Variants in KPNA4 observed in about 807,000 individuals in gnomAD.
The protein encoded by KPNA4 is importin subunit alpha-3.
KPNA4 carries 13 observed loss-of-function variants against 71.3 expected under a neutral mutation model. The ratio of observed to expected loss-of-function variants is 0.18; its 90% CI spans 0.12 to 0.29. The LOEUF (loss-of-function observed/expected upper bound fraction) is 0.29. Among genes scored for constraint, KPNA4 ranks in the 10% least tolerant of loss-of-function variants. KPNA4 has a pLI of 1.00. For missense variants in KPNA4, 334 were observed against 603.2 expected (o/e 0.55, Z 4.67); for synonymous variants, 189 against 195.2 (o/e 0.97, Z 0.26).
chr3:160,519,647 T>C (rs1420429162), intron 11 of KPNA4, among the ~76,000 whole-genome samples: 1 of 148,954 alleles, frequency 6.7e-6, no homozygotes, highest in East Asian at 2.0e-4. Flanking sequence ...TACAAAAAAT[T>C]AGCCGGGCGC....
intron 1 of KPNA4, among the ~76,000 whole-genome samples, chr3:160,538,228 TAA>T (rs891388457): frequency 3.2e-4 from 48 of 151,372 alleles, no homozygotes; most frequent in African/African-American, 1.1e-3. Flanking sequence ...TACATAAATG[TAA>T]AAAAAAGAGC....
chr3:160,507,131 G>A (rs1345123619), intron 15 of KPNA4, among the ~76,000 whole-genome samples: 2 of 152,080 alleles, frequency 1.3e-5, no homozygotes, highest in Non-Finnish European at 2.9e-5. Flanking sequence ...ATTCCAGGAG[G>A]CTCTGGTACA....
chr3:160,564,840 C>T (rs1211333286), intron 1 of KPNA4, among the ~76,000 whole-genome samples: 3 of 151,264 alleles, frequency 2.0e-5, no homozygotes, highest in Non-Finnish European at 4.4e-5. Flanking sequence ...GCCGGAATCT[C>T]CGCCACTGCC....
chr3:160,495,952 A>AG lies in KPNA4; in HGVS notation c.*6151dup, dbSNP rs1720752441. The AG allele has an allele frequency of 7.4e-6, 1 of 134,346 alleles. No homozygotes were observed. The highest frequency in any genetic ancestry group is 1.5e-5 in the Non-Finnish European group (1 of 64,662). 8.3% of individuals were successfully genotyped at this position (134,346 alleles called of 1,614,324 possible). A position where few individuals can be genotyped will look rare whatever the true frequency, so the allele number is the denominator to read the frequency against. ...TTTTTTTAAGGTAAATACCCTCTTT[A>AG]GCTGAGTCCAAGACTTTGGATATTA... On this transcript the variant is annotated 3_prime_UTR_variant, in exon 17 of 17. Transcript: ENST00000334256.
Position 160,514,963 on chromosome 3 carries a change from G to C in KPNA4, c.1032+489C>G. The C allele has an allele frequency of 9.6e-6, 5 of 519,136 alleles. 1 individual carries two copies. The highest frequency in any genetic ancestry group is 7.0e-5 in the South Asian group (5 of 71,578). 32.2% of individuals were successfully genotyped at this position (519,136 alleles called of 1,614,324 possible). ...CCTGTTAGAGATTTTAGGGTGCCAG[G>C]CTAGTTAGGTGAGCTGTTCTTGGGT... On this transcript the variant is annotated intron_variant, in intron 12 of 16. Transcript: ENST00000334256.
At chr3:160,525,307 T>C (rs1224090619) in intron 10 of KPNA4, among the ~76,000 whole-genome samples, 1 of 152,210 alleles carries the variant, frequency 6.6e-6, no homozygotes, top group Admixed American at 6.5e-5. Context: ...ATGTCCATGG[T>C]TTGGTATGTG....
Position 160,525,740 on chromosome 3 carries a change from G to A in KPNA4, c.771+60C>T. On this transcript the variant is annotated intron_variant, in intron 10 of 16. Coordinates refer to ENST00000334256, the MANE Select transcript of KPNA4 (RefSeq NM_002268.5). Reference sequence around the variant, plus strand: ...ATAATATTTCTCCCCTATGTCACAGGGGAAGCCCTAGAAATACATACATAC... The same window carrying A: ...ATAATATTTCTCCCCTATGTCACAGAGGAAGCCCTAGAAATACATACATAC... The A allele has an allele frequency of 4.5e-6, 5 of 1,112,876 alleles. No homozygotes were observed. The South Asian group carries it at 1.1e-4, about 25-fold the overall frequency. The allele number at this position is 1,112,876 out of a possible 1,614,324, so 68.9% of individuals were successfully genotyped here. A position where few individuals can be genotyped will look rare whatever the true frequency, so the allele number is the denominator to read the frequency against.
At chr3:160,543,374 T>C (rs1721845266) in intron 1 of KPNA4, among the ~76,000 whole-genome samples, 1 of 151,986 alleles carries the variant, frequency 6.6e-6, no homozygotes, top group African/African-American at 2.4e-5. Context: ...AGAATCTCAC[T>C]CTGTCACCCA....
At chr3:160,550,053 G>GT (rs1560055260) in intron 1 of KPNA4, among the ~76,000 whole-genome samples, 1 of 152,002 alleles carries the variant, frequency 6.6e-6, no homozygotes, top group African/African-American at 2.4e-5. Context: ...AGAAACAGCT[G>GT]TTTTTTTGTA....
At chr3:160,536,727 C>A in intron 2 of KPNA4, 69 bp downstream of exon 2, 1 of 766,350 alleles carries the variant, frequency 1.3e-6, no homozygotes, top group Non-Finnish European at 2.0e-6. Flanking sequence ...ATATATTTGG[C>A]ATCTTGTATA....
At chr3:160,559,402 T>C (rs1393128139) in intron 1 of KPNA4, among the ~76,000 whole-genome samples, 1 of 152,204 alleles carries the variant, frequency 6.6e-6, no homozygotes, top group African/African-American at 2.4e-5. Context: ...TTAACAATCA[T>C]GAATTTTTTA....
At chr3:160,521,060 TTTA>T (rs1721339102) in intron 11 of KPNA4, among the ~76,000 whole-genome samples, 1 of 152,124 alleles carries the variant, frequency 6.6e-6, no homozygotes, top group Non-Finnish European at 1.5e-5. Context: ...AAAGCAACAA[TTTA>T]GAAAGTCCCT....
intron 15 of KPNA4, 52 bp downstream of exon 15, chr3:160,508,055 T>C (rs1402727965): frequency 5.1e-6 from 7 of 1,370,224 alleles, no homozygotes; most frequent in Non-Finnish European, 5.0e-6. Flanking sequence ...CAAATAAAGG[T>C]AGTTACAAAG....
chr3:160,561,893 A>G (rs1452938729), intron 1 of KPNA4, among the ~76,000 whole-genome samples: 3 of 152,104 alleles, frequency 2.0e-5, no homozygotes, highest in Non-Finnish European at 4.4e-5. Flanking sequence ...GAGAATTGCC[A>G]GGCATCTTCC....
At chr3:160,538,330 A>G (rs1243241241) in intron 1 of KPNA4, among the ~76,000 whole-genome samples, 2 of 152,110 alleles carry the variant, frequency 1.3e-5, no homozygotes, top group Non-Finnish European at 2.9e-5. Flanking sequence ...TATAACTTCA[A>G]AGTAATGACG....
At chr3:160,555,905 C>T (rs1359845509) in intron 1 of KPNA4, among the ~76,000 whole-genome samples, 4 of 152,162 alleles carry the variant, frequency 2.6e-5, no homozygotes, top group African/African-American at 9.7e-5. Context: ...GATCTCAGCT[C>T]ACTGCAACCT....
chr3:160,538,404 A>G (rs1437443753), intron 1 of KPNA4, among the ~76,000 whole-genome samples: 3 of 152,100 alleles, frequency 2.0e-5, no homozygotes, highest in Non-Finnish European at 4.4e-5. Context: ...TTCTAATATT[A>G]CTATGGTTAA....
rs1720855493 is a variant in KPNA4 at position 160,500,506 on chromosome 3, T to G, written c.*1598A>C. 6.6e-6 allele frequency: 1 copy of G among 152,664 alleles called. No homozygotes were observed. The highest frequency in any genetic ancestry group is 2.4e-5 in the African/African-American group (1 of 41,464). 9.5% of individuals were successfully genotyped at this position (152,664 alleles called of 1,614,324 possible). A position where few individuals can be genotyped will look rare whatever the true frequency, so the allele number is the denominator to read the frequency against. On this transcript the variant is annotated 3_prime_UTR_variant, in exon 17 of 17. Coordinates refer to ENST00000334256, the MANE Select transcript of KPNA4 (RefSeq NM_002268.5). Reference sequence around the variant, plus strand: ...GGGGAAGGCACAGGATTTCCTACAATGAGCCACCTTATAAAGAGTTCTTTT... The same window carrying G: ...GGGGAAGGCACAGGATTTCCTACAAGGAGCCACCTTATAAAGAGTTCTTTT...
intron 1 of KPNA4, among the ~76,000 whole-genome samples, chr3:160,541,950 GTAT>G (rs1271391571): frequency 6.6e-6 from 1 of 152,076 alleles, no homozygotes; most frequent in Non-Finnish European, 1.5e-5. Flanking sequence ...TTTAATACAC[GTAT>G]TAATAACATG....
Sources: allele counts gnomAD v4.1 joint callset (sites outside exome capture counted in the v4.1 genomes callset), GRCh38; gene constraint gnomAD v4.1.1; transcripts MANE v1.5; gene names NCBI Gene and HGNC (gene_info 2026-07-23, HGNC 2026-07-21).